Variants in KATNAL2 observed in about 807,000 individuals in gnomAD.
KATNAL2 encodes the protein katanin p60 ATPase-containing subunit A-like 2.
In KATNAL2, 52 loss-of-function variants were observed where a neutral mutation model predicts 76.3. The ratio of observed to expected loss-of-function variants is 0.68; its 90% CI spans 0.55 to 0.86. The LOEUF is 0.86. Among genes scored for constraint, KATNAL2 ranks in the 40% least tolerant of loss-of-function variants. KATNAL2 has a pLI of 0.00. For missense variants in KATNAL2, 660 were observed against 668.9 expected, an observed-to-expected ratio of 0.99 and a Z score of 0.15; for synonymous variants, 243 against 244.2, an observed-to-expected ratio of 1.00 and a Z score of 0.05.
At chr18:47,081,392 AAC>A (rs1428216704) in intron 15 of KATNAL2, among the ~76,000 whole-genome samples, 2 of 152,264 alleles carry the variant, frequency 1.3e-5, no homozygotes, top group African/African-American at 4.8e-5. Context: ...TGTTTTATTT[AAC>A]ACAGTATTTT....
intron 1 of KATNAL2, among the ~76,000 whole-genome samples, chr18:46,926,683 G>A (rs2058738200): frequency 6.6e-6 from 1 of 152,050 alleles, no homozygotes; most frequent in African/African-American, 2.4e-5. Context: ...TTGACAGTGG[G>A]GTGTGAAAGT....
chr18:46,948,830 A>G (rs1275647022), intron 3 of KATNAL2, among the ~76,000 whole-genome samples: 1 of 152,054 alleles, frequency 6.6e-6, no homozygotes, highest in Non-Finnish European at 1.5e-5. Context: ...AAATATGGGT[A>G]GGACAATGGA....
intron 3 of KATNAL2, among the ~76,000 whole-genome samples, chr18:46,954,069 G>A (rs2146724807): frequency 6.6e-6 from 1 of 152,028 alleles, no homozygotes. Flanking sequence ...CAGTATATAC[G>A]CTTCCACTGA....
chr18:47,079,203 ACTTT>A (rs1408886272), intron 15 of KATNAL2, among the ~76,000 whole-genome samples: 2 of 152,150 alleles, frequency 1.3e-5, no homozygotes, highest in African/African-American at 4.8e-5. Context: ...AAAAATAAGG[ACTTT>A]TTTTACATTA....
At chr18:47,034,381 G>A (rs150224148) in intron 3 of KATNAL2, 2 of 1,614,036 alleles carry the variant, frequency 1.2e-6, no homozygotes, top group Non-Finnish European at 1.7e-6. Flanking sequence ...CTCCAAGGCA[G>A]GGACACGCTG....
chr18:47,043,898 C>T (rs777695247), intron 3 of KATNAL2, among the ~76,000 whole-genome samples: 11 of 151,664 alleles, frequency 7.3e-5, no homozygotes, highest in African/African-American at 1.9e-4. Context: ...TTTATATGGT[C>T]CTAATAATGT....
At chr18:46,967,270 G>T (rs1190331554) in intron 3 of KATNAL2, among the ~76,000 whole-genome samples, 3 of 120,050 alleles carry the variant, frequency 2.5e-5, no homozygotes, top group Non-Finnish European at 3.7e-5. Flanking sequence ...GTGTTCTTCA[G>T]GCTTGAAGGC....
At chr18:46,947,297 T>C (rs1313466746) in intron 3 of KATNAL2, among the ~76,000 whole-genome samples, 1 of 152,206 alleles carries the variant, frequency 6.6e-6, no homozygotes, top group Non-Finnish European at 1.5e-5. Context: ...AACATTGACC[T>C]GGGAGTTAGT....
At chr18:47,093,138 G>C (rs897920898) in intron 15 of KATNAL2, among the ~76,000 whole-genome samples, 3 of 152,102 alleles carry the variant, frequency 2.0e-5, no homozygotes, top group African/African-American at 4.8e-5. Flanking sequence ...ACCACGATGT[G>C]ACTTGGGAGT....
At chr18:47,060,964 G>C in intron 8 of KATNAL2, among the ~76,000 whole-genome samples, 1 of 152,180 alleles carries the variant, frequency 6.6e-6, no homozygotes. Context: ...GGATGTTTTT[G>C]ATTGGGTCAC....
chr18:47,081,411 ATTATT>A (rs2062514775), intron 15 of KATNAL2, among the ~76,000 whole-genome samples: 1 of 151,412 alleles, frequency 6.6e-6, no homozygotes, highest in South Asian at 2.1e-4. Context: ...TTTTCAAAAC[ATTATT>A]TTAATATCAG....
intron 3 of KATNAL2, chr18:47,033,037 A>C (rs1201692788): frequency 1.9e-6 from 3 of 1,614,148 alleles, no homozygotes; most frequent in Non-Finnish European, 2.5e-6. Context: ...GTAGTCTCGA[A>C]TTGCCTTGGC....
At chr18:47,034,019 C>T (rs765481551) in intron 3 of KATNAL2, 3 of 1,614,132 alleles carry the variant, frequency 1.9e-6, no homozygotes, top group Middle Eastern at 3.3e-4. Context: ...CCCTTGGATT[C>T]GTTTGCTTTC....
chr18:46,959,446 T>TTG (rs2059866581), intron 3 of KATNAL2, among the ~76,000 whole-genome samples: 1 of 152,210 alleles, frequency 6.6e-6, no homozygotes, highest in Admixed American at 6.5e-5. Flanking sequence ...GCCACATTAG[T>TTG]ACTCTTGGAA....
intron 1 of KATNAL2, among the ~76,000 whole-genome samples, chr18:46,925,512 G>A (rs1209542996): frequency 3.3e-5 from 5 of 152,040 alleles, no homozygotes; most frequent in Admixed American, 6.6e-5. Flanking sequence ...TTTTGCATCA[G>A]TGTTCATCAA....
chr18:46,931,734 A>C (rs1293736534), intron 1 of KATNAL2, among the ~76,000 whole-genome samples: 1 of 150,596 alleles, frequency 6.6e-6, no homozygotes, highest in Non-Finnish European at 1.5e-5. Flanking sequence ...AGAGAGAGAG[A>C]GGGAGAGGGG....
intron 15 of KATNAL2, among the ~76,000 whole-genome samples, chr18:47,088,241 G>A (rs2062857796): frequency 6.6e-6 from 1 of 152,152 alleles, no homozygotes; most frequent in Admixed American, 6.5e-5. Flanking sequence ...TGGGATAGAT[G>A]GGAAGTAAAG....
intron 15 of KATNAL2, among the ~76,000 whole-genome samples, chr18:47,094,538 T>C (rs2063143844): frequency 6.6e-6 from 1 of 152,176 alleles, no homozygotes; most frequent in South Asian, 2.1e-4. Context: ...CTGCCTAATG[T>C]TTATGAGAGG....
At chr18:47,034,117 C>T (rs778239640) in intron 3 of KATNAL2, 2 of 1,614,242 alleles carry the variant, frequency 1.2e-6, no homozygotes, top group Non-Finnish European at 8.5e-7. Flanking sequence ...GTATTTTTCA[C>T]ATGACAGAGT....
Sources: gnomAD v4.1 joint callset for allele counts (sites outside exome capture counted in the v4.1 genomes callset) on GRCh38, gnomAD v4.1.1 for gene constraint, MANE v1.5 for transcripts, NCBI Gene and HGNC (gene_info 2026-07-23, HGNC 2026-07-21) for gene names.